Variants in CASP8 observed in about 807,000 individuals in gnomAD.
The protein encoded by CASP8 is caspase-8.
Under a neutral mutation model 46.3 loss-of-function variants are expected in CASP8, and 24 were observed. The observed-to-expected ratio is 0.52, with a 90% CI of 0.38 to 0.73. CASP8 has a LOEUF of 0.73. Ranked by LOEUF, CASP8 falls within the 30% of genes least tolerant of loss-of-function variation. The probability of loss-of-function intolerance (pLI) is 0.00; values close to 1 mark genes in which losing one functional copy is unlikely to be tolerated. For missense variants in CASP8, 460 were observed against 559.0 expected (o/e 0.82, Z 1.79); for synonymous variants, 188 against 200.4 (o/e 0.94, Z 0.52).
At chr2:201,254,391 G>C (rs992014762) in intron 2 of CASP8, among the ~76,000 whole-genome samples, 1 of 152,218 alleles carries the variant, frequency 6.6e-6, no homozygotes, top group African/African-American at 2.4e-5. Flanking sequence ...GGCCCAGAAA[G>C]GAATGAGATA....
At position 201,250,112 on chromosome 2, in the gene CASP8, G is replaced by A. The variant is rs35964026; in HGVS notation, c.-27+16000G>A. Reference sequence around the variant, plus strand: ...AAAGAGTTTGAAGTAAGTGTAGTCCGCTGGCAGAAGCTTATCAAGGCCCGT... The same window carrying A: ...AAAGAGTTTGAAGTAAGTGTAGTCCACTGGCAGAAGCTTATCAAGGCCCGT... On this transcript the variant is annotated intron_variant, in intron 2 of 6. Coordinates refer to the CASP8 transcript ENST00000264274. Among the ~76,000 whole-genome samples, 140 of 152,246 alleles carry A rather than the reference G, an allele frequency of 9.2e-4. 2 individuals carry two copies. In the East Asian group the frequency reaches 0.024, roughly 26 times the overall value.
intron 7 of CASP8, chr2:201,277,718 T>TTTA: frequency 2.3e-6 from 1 of 438,026 alleles, no homozygotes; most frequent in South Asian, 1.6e-5. Flanking sequence ...TTTTTTTTTT[T>TTTA]GAGACAAAGT....
intron 2 of CASP8, among the ~76,000 whole-genome samples, chr2:201,236,113 T>C (rs114673461): frequency 1.1e-4 from 17 of 152,196 alleles, no homozygotes; most frequent in East Asian, 3.8e-4. Flanking sequence ...GAACTATCAC[T>C]GCAGTCAGGA....
rs1948365441 is a variant in CASP8, at chr2:201,272,863, T to C, written c.551-35T>C. On this transcript the variant is annotated intron_variant, in intron 4 of 8. Transcript: ENST00000673742. The surrounding 1 kb of genome is among the most constrained non-coding windows in gnomAD (Gnocchi z 4.4). The stretch of plus-strand genomic sequence containing the variant: ...CGCTCCATATCACAGTTGTTTCTAA[T>C]CAAATATTGTTTGGGGTTTCCCCTT... 2 of 1,613,948 alleles carry C rather than the reference T, an allele frequency of 1.2e-6. No individual in the cohort carries two copies. The highest frequency in any genetic ancestry group is 1.3e-5 in the African/African-American group (1 of 74,946).
chr2:201,253,927 C>T (rs910171348), intron 2 of CASP8, among the ~76,000 whole-genome samples: 3 of 151,896 alleles, frequency 2.0e-5, no homozygotes, highest in Non-Finnish European at 4.4e-5. Flanking sequence ...ACTAAAAATA[C>T]AAAATTAGCT....
At chr2:201,284,651 T>C (rs1187301815) in intron 7 of CASP8, among the ~76,000 whole-genome samples, 165 bp from the exon 8 acceptor site, 1 of 966 alleles carries the variant, frequency 1.0e-3, no homozygotes, top group Non-Finnish European at 2.7e-3. Flanking sequence ...TGGCTCGGCA[T>C]GAGAGGGAGA....
intron 1 of CASP8, among the ~76,000 whole-genome samples, chr2:201,265,416 C>T (rs1947737771): frequency 6.6e-6 from 1 of 151,576 alleles, no homozygotes; most frequent in East Asian, 1.9e-4. Flanking sequence ...CGTATGTTCT[C>T]ACTTAAAAGT....
intron 2 of CASP8, among the ~76,000 whole-genome samples, chr2:201,268,651 G>A (rs13398626): frequency 0.26 from 40,273 of 152,166 alleles, 8,641 homozygotes; most frequent in African/African-American, 0.58. Context: ...TTTAAAATGT[G>A]TTTTCACAGT....
intron 2 of CASP8, among the ~76,000 whole-genome samples, chr2:201,252,901 A>G (rs996815280): frequency 6.6e-6 from 1 of 151,666 alleles, no homozygotes; most frequent in Admixed American, 6.6e-5. Context: ...ATGGAGGGGG[A>G]AAAAAAAGGA....
chr2:201,256,295 CACTG>C (rs1046011056), upstream of CASP8, among the ~76,000 whole-genome samples: 20 of 152,256 alleles, frequency 1.3e-4, no homozygotes, highest in African/African-American at 4.3e-4. Flanking sequence ...TTCTGTCACT[CACTG>C]ACTGAGCGTG....
intron 2 of CASP8, among the ~76,000 whole-genome samples, chr2:201,255,029 C>CT (rs1946952653): frequency 6.6e-6 from 1 of 152,216 alleles, no homozygotes; most frequent in African/African-American, 2.4e-5. Context: ...TAATAATGAT[C>CT]TTTGTGCTTC....
chr2:201,263,206 A>C (rs1947548030), intron 1 of CASP8, among the ~76,000 whole-genome samples: 1 of 152,230 alleles, frequency 6.6e-6, no homozygotes, highest in Admixed American at 6.5e-5. Flanking sequence ...AGCCTCAAAA[A>C]GGTTTATTCA....
intron 1 of CASP8, among the ~76,000 whole-genome samples, chr2:201,263,088 C>T (rs1947537739): frequency 2.0e-5 from 3 of 152,126 alleles, no homozygotes; most frequent in South Asian, 4.1e-4. Flanking sequence ...CTATGGAGGA[C>T]GGAGCTATGC....
At chr2:201,245,641 C>T (rs913134685) in intron 2 of CASP8, among the ~76,000 whole-genome samples, 2 of 152,176 alleles carry the variant, frequency 1.3e-5, no homozygotes, top group Non-Finnish European at 2.9e-5. Flanking sequence ...ATCATAGACC[C>T]AGGGGACCAC....
At chr2:201,273,847 G>GT (rs1948456426) in intron 5 of CASP8, among the ~76,000 whole-genome samples, 1 of 151,828 alleles carries the variant, frequency 6.6e-6, no homozygotes, top group Non-Finnish European at 1.5e-5. Flanking sequence ...GCTAATTTTT[G>GT]TATGTCTTGT....
intron 2 of CASP8, among the ~76,000 whole-genome samples, chr2:201,270,463 G>A (rs1465705636): frequency 1.3e-5 from 2 of 152,186 alleles, no homozygotes; most frequent in African/African-American, 2.4e-5. Context: ...GGTCCGCTGA[G>A]CTCAATCATT....
At chr2:201,273,217 G>A (rs2125266885) in intron 5 of CASP8, among the ~76,000 whole-genome samples, 1 of 152,102 alleles carries the variant, frequency 6.6e-6, no homozygotes, top group East Asian at 1.9e-4. Flanking sequence ...GCACCACCAC[G>A]CCTAGCTAAT....
chr2:201,241,574 G>A (rs1025073429), intron 2 of CASP8: 44 of 152,146 alleles, frequency 2.9e-4, no homozygotes, highest in African/African-American at 1.1e-3. Flanking sequence ...TTCCCCAAAC[G>A]AAGAAGTCCA....
At chr2:201,234,936 A>G (rs1319248420) in intron 2 of CASP8, among the ~76,000 whole-genome samples, 1 of 152,198 alleles carries the variant, frequency 6.6e-6, no homozygotes, top group East Asian at 1.9e-4. Context: ...AACTCATTTG[A>G]TTCTCGTAAT....
Sources: gnomAD v4.1 joint callset for allele counts (sites outside exome capture counted in the v4.1 genomes callset) on GRCh38, gnomAD v4.1.1 for gene constraint, Gnocchi (gnomAD v3.1) non-coding constraint, MANE v1.5 for transcripts, NCBI Gene and HGNC (gene_info 2026-07-23, HGNC 2026-07-21) for gene names.